Variants in SORCS2 observed in about 807,000 individuals in gnomAD.
The protein encoded by SORCS2 is VPS10 domain-containing receptor SorCS2.
Under a neutral mutation model 141.6 loss-of-function variants are expected in SORCS2, and 100 were observed. The ratio of observed to expected loss-of-function variants is 0.71; its 90% CI spans 0.60 to 0.83. The LOEUF (loss-of-function observed/expected upper bound fraction) is 0.83. Among genes scored for constraint, SORCS2 ranks in the 40% least tolerant of loss-of-function variants. The pLI, the probability that SORCS2 is intolerant of heterozygous loss-of-function variation, is 0.00. For synonymous variants in SORCS2, 789 were observed against 676.9 expected (o/e 1.17, Z -2.57); for missense variants, 1,646 against 1,560.2 (o/e 1.05, Z -0.93).
In SORCS2 at chr4:7,515,255, C is replaced by T. The variant is rs1014271299; in HGVS notation, c.549-16275C>T. 2.0e-5 allele frequency among the ~76,000 whole-genome samples: 3 copies of T among 152,244 alleles called. No homozygotes were observed. In the East Asian group the frequency reaches 5.8e-4, roughly 29 times the overall value. On this transcript the variant is annotated intron_variant, in intron 2 of 26. Coordinates refer to ENST00000507866, the MANE Select transcript of SORCS2 (RefSeq NM_020777.3). ...CAAGGTCACACAGCTTGTCACCATACTTCCTCCACGGGAGCCTGACATGGG... is the reference window on the plus strand; with the variant it reads ...CAAGGTCACACAGCTTGTCACCATATTTCCTCCACGGGAGCCTGACATGGG...
chr4:7,506,863 A>T (rs1436735875), intron 2 of SORCS2, among the ~76,000 whole-genome samples: 2 of 152,204 alleles, frequency 1.3e-5, no homozygotes, highest in Non-Finnish European at 2.9e-5. Context: ...ACAACAAACA[A>T]ATGAAACAAA....
chr4:7,226,089 C>T (rs535095642), intron 1 of SORCS2, among the ~76,000 whole-genome samples: 2 of 152,266 alleles, frequency 1.3e-5, no homozygotes, highest in East Asian at 3.9e-4. Flanking sequence ...CCCAAAGCAG[C>T]CTCTATAGCC....
intron 1 of SORCS2, among the ~76,000 whole-genome samples, chr4:7,253,544 G>A (rs369069935): frequency 3.3e-5 from 5 of 152,222 alleles, no homozygotes; most frequent in Admixed American, 2.0e-4. Flanking sequence ...ACTGAGTGCC[G>A]GGGCGGAGGA....
At chr4:7,207,312 G>T (rs912803261) in intron 1 of SORCS2, among the ~76,000 whole-genome samples, 1 of 152,234 alleles carries the variant, frequency 6.6e-6, no homozygotes, top group South Asian at 2.1e-4. Flanking sequence ...GTCTGGGAAG[G>T]CTTGCTGCTG....
intron 3 of SORCS2, among the ~76,000 whole-genome samples, chr4:7,612,422 C>T (rs570668337): frequency 3.9e-5 from 6 of 152,256 alleles, no homozygotes; most frequent in Non-Finnish European, 5.9e-5. Context: ...CTTCTGGCCA[C>T]GATGGGGGTC....
chr4:7,435,792 G>A (rs942789877), intron 2 of SORCS2, among the ~76,000 whole-genome samples: 3 of 152,224 alleles, frequency 2.0e-5, no homozygotes, highest in Non-Finnish European at 2.9e-5. Flanking sequence ...GCCTTGCGTC[G>A]GGTCCTGTTC....
chr4:7,297,786 C>T (rs1422439376), intron 1 of SORCS2, among the ~76,000 whole-genome samples: 2 of 152,194 alleles, frequency 1.3e-5, no homozygotes, highest in Non-Finnish European at 2.9e-5. Context: ...CACTTTTGGG[C>T]CAGTGGTGCT....
chr4:7,320,945 A>G (rs1049631412), intron 1 of SORCS2, among the ~76,000 whole-genome samples: 3 of 131,172 alleles, frequency 2.3e-5, no homozygotes, highest in Non-Finnish European at 1.5e-5. Context: ...CCTTATATAT[A>G]TAAAATTTCA....
chr4:7,736,427 GA>G (rs1712170823), intron 25 of SORCS2, among the ~76,000 whole-genome samples: 1 of 152,208 alleles, frequency 6.6e-6, no homozygotes, highest in African/African-American at 2.4e-5. Context: ...CTGCATCTGA[GA>G]AAGCCCCCCT....
At chr4:7,195,612 C>T (rs889902907) in intron 1 of SORCS2, among the ~76,000 whole-genome samples, 3 of 152,206 alleles carry the variant, frequency 2.0e-5, no homozygotes, top group Non-Finnish European at 4.4e-5. Context: ...TTATCTTGAG[C>T]TAACTAAGTA....
At chr4:7,446,008 T>TA (rs1727969748) in intron 2 of SORCS2, among the ~76,000 whole-genome samples, 1 of 150,970 alleles carries the variant, frequency 6.6e-6, no homozygotes. Context: ...TGTCTTTTCT[T>TA]TTTTTTCCTT....
At chr4:7,698,801 C>A (rs1257326850) in intron 12 of SORCS2, among the ~76,000 whole-genome samples, 2 of 151,694 alleles carry the variant, frequency 1.3e-5, no homozygotes, top group Non-Finnish European at 2.9e-5. Flanking sequence ...AGGACAGGCG[C>A]CCAAGGGGCA....
At chr4:7,624,350 T>C (rs889217530) in intron 3 of SORCS2, among the ~76,000 whole-genome samples, 5 of 152,234 alleles carry the variant, frequency 3.3e-5, no homozygotes, top group Non-Finnish European at 5.9e-5. Context: ...GGCCATTCAA[T>C]GCAGACCTTG....
chr4:7,273,466 A>T (rs184712864), intron 1 of SORCS2, among the ~76,000 whole-genome samples: 1 of 152,222 alleles, frequency 6.6e-6, no homozygotes, highest in East Asian at 1.9e-4. Flanking sequence ...GTGGGCTGAG[A>T]CTGTCTCCAT....
intron 3 of SORCS2, among the ~76,000 whole-genome samples, chr4:7,596,349 G>T (rs1254366972): frequency 1.3e-5 from 2 of 152,172 alleles, no homozygotes; most frequent in Admixed American, 6.5e-5. Flanking sequence ...TCTGGTTGAA[G>T]TGCCGACAGT....
intron 1 of SORCS2, among the ~76,000 whole-genome samples, chr4:7,382,433 C>G (rs1434392725): frequency 6.6e-6 from 1 of 152,080 alleles, no homozygotes; most frequent in Non-Finnish European, 1.5e-5. Context: ...ACAGGCCCCT[C>G]CTGAGACAGC....
At chr4:7,454,594 G>A (rs1728740688) in intron 2 of SORCS2, among the ~76,000 whole-genome samples, 1 of 136,344 alleles carries the variant, frequency 7.3e-6, no homozygotes, top group Non-Finnish European at 1.6e-5. Context: ...GTCAGGTGCT[G>A]TGTTGGGGTC....
chr4:7,459,472 T>A (rs999944873), intron 2 of SORCS2, among the ~76,000 whole-genome samples: 1 of 152,060 alleles, frequency 6.6e-6, no homozygotes, highest in African/African-American at 2.4e-5. Context: ...ACCATTCAGT[T>A]CCTCTCTCCC....
chr4:7,418,711 C>G (rs887734754), intron 2 of SORCS2, among the ~76,000 whole-genome samples: 8 of 119,560 alleles, frequency 6.7e-5, no homozygotes, highest in African/African-American at 2.3e-4. Context: ...GACCCCCCCC[C>G]CCACCAGATT....
Sources: allele counts gnomAD v4.1 joint callset (sites outside exome capture counted in the v4.1 genomes callset), GRCh38; gene constraint gnomAD v4.1.1; transcripts MANE v1.5; gene names NCBI Gene and HGNC (gene_info 2026-07-23, HGNC 2026-07-21).